Variants in PACRG observed in about 807,000 individuals in gnomAD.
The protein encoded by PACRG is parkin coregulated.
A neutral mutation model predicts 29.7 loss-of-function variants in PACRG; 29 were observed. The observed-to-expected ratio is 0.98, with a 90% confidence interval of 0.73 to 1.33. The LOEUF (loss-of-function observed/expected upper bound fraction) is 1.33, where lower values mean the gene tolerates loss of function less well. Ranked by LOEUF, PACRG falls within the 40% of genes most tolerant of loss-of-function variation. The probability of loss-of-function intolerance (pLI) is 0.00; values close to 1 mark genes in which losing one functional copy is unlikely to be tolerated. For missense variants in PACRG, 279 were observed against 316.2 expected (o/e 0.88, Z 0.89); for synonymous variants, 116 against 118.7 (o/e 0.98, Z 0.15).
chr6:163,095,668 C>A (rs889015580), intron 4 of PACRG, among the ~76,000 whole-genome samples: 1 of 151,590 alleles, frequency 6.6e-6, no homozygotes, highest in African/African-American at 2.4e-5. Context: ...CAGTCCCGCC[C>A]CATCTTCATG....
At chr6:163,142,706 G>T (rs1458491467) in intron 4 of PACRG, among the ~76,000 whole-genome samples, 2 of 152,142 alleles carry the variant, frequency 1.3e-5, no homozygotes, top group Admixed American at 1.3e-4. Flanking sequence ...AATAGATCAG[G>T]ATGAAGTAGG....
chr6:163,104,272 C>T (rs1252105041), intron 4 of PACRG, among the ~76,000 whole-genome samples: 1 of 152,168 alleles, frequency 6.6e-6, no homozygotes, highest in African/African-American at 2.4e-5. Flanking sequence ...AATCTTCTAA[C>T]TTTGTTCCAC....
At chr6:162,814,040 C>T in intron 1 of PACRG, 107 bp from the exon 2 acceptor site, 3 of 1,203,412 alleles carry the variant, frequency 2.5e-6, no homozygotes, top group Non-Finnish European at 2.2e-6. Context: ...TTTTATCTTC[C>T]AACATATTTA....
chr6:162,733,525 A>G (rs1779933703), intron 1 of PACRG, among the ~76,000 whole-genome samples: 1 of 152,168 alleles, frequency 6.6e-6, no homozygotes, highest in South Asian at 2.1e-4. Context: ...TGTGGAGCCC[A>G]GAAGCTCCCT....
chr6:163,271,533 A>G (rs1199486661), intron 4 of PACRG, among the ~76,000 whole-genome samples: 2 of 152,166 alleles, frequency 1.3e-5, no homozygotes, highest in African/African-American at 2.4e-5. Flanking sequence ...TTCATTTGGA[A>G]TTATCCTAAT....
intron 4 of PACRG, among the ~76,000 whole-genome samples, chr6:163,107,020 T>C (rs1181243090): frequency 3.3e-5 from 5 of 152,168 alleles, no homozygotes; most frequent in Admixed American, 3.3e-4. Context: ...AGAAAGTCAT[T>C]CTGTCTAAAT....
intron 4 of PACRG, among the ~76,000 whole-genome samples, chr6:163,169,067 T>C (rs1352094476): frequency 6.6e-6 from 1 of 152,258 alleles, no homozygotes; most frequent in Non-Finnish European, 1.5e-5. Context: ...ATTGTGTTAT[T>C]AGTTCTTAGT....
intron 4 of PACRG, among the ~76,000 whole-genome samples, chr6:163,250,110 T>C (rs1356735551): frequency 6.6e-6 from 1 of 152,250 alleles, no homozygotes; most frequent in Admixed American, 6.5e-5. Flanking sequence ...ACATTGTCCA[T>C]TGCAGGAAAC....
chr6:162,978,073 G>A (rs572130290), intron 2 of PACRG, among the ~76,000 whole-genome samples: 1 of 150,598 alleles, frequency 6.6e-6, no homozygotes, highest in Non-Finnish European at 1.5e-5. Flanking sequence ...GAACCCGGGA[G>A]CCGGAGGTTG....
chr6:163,058,178 T>C (rs1810755091), intron 2 of PACRG, among the ~76,000 whole-genome samples: 1 of 152,150 alleles, frequency 6.6e-6, no homozygotes, highest in African/African-American at 2.4e-5. Context: ...AGAAAAAGAA[T>C]TTTCTTGACT....
intron 2 of PACRG, among the ~76,000 whole-genome samples, chr6:162,873,282 A>C (rs1159040391): frequency 6.6e-6 from 1 of 152,160 alleles, no homozygotes; most frequent in Non-Finnish European, 1.5e-5. Context: ...TACCTACAAT[A>C]GTGCCCTGTC....
At position 162,846,054 on chromosome 6, in the gene PACRG, G is replaced by A. The variant is rs79405081; in HGVS notation, c.291+31773G>A. On this transcript the variant is annotated intron_variant, in intron 2 of 4. Coordinates refer to ENST00000366888, the MANE Select transcript of PACRG (RefSeq NM_001080379.2). ...TGGGGGAGCCGGCAGACCTAGGTGC[G>A]GGTCTGACCCCAGCGAAGGGGAGGG... 2.7e-3 allele frequency among the ~76,000 whole-genome samples: 417 copies of A among 152,254 alleles called. 11 individuals are homozygous for A. The East Asian group carries it at 0.073, about 27-fold the overall frequency.
chr6:162,871,353 G>C (rs1362771734), intron 2 of PACRG, among the ~76,000 whole-genome samples: 1 of 152,110 alleles, frequency 6.6e-6, no homozygotes, highest in African/African-American at 2.4e-5. Context: ...ATTTCCCCAA[G>C]GTCTTACAGA....
chr6:163,142,049 C>A (rs892525727), intron 4 of PACRG, among the ~76,000 whole-genome samples: 8 of 151,978 alleles, frequency 5.3e-5, no homozygotes, highest in Non-Finnish European at 1.2e-4. Flanking sequence ...AAATGATATT[C>A]TCTAGCAACT....
At chr6:162,798,722 G>A (rs1325476163) in intron 1 of PACRG, among the ~76,000 whole-genome samples, 1 of 152,122 alleles carries the variant, frequency 6.6e-6, no homozygotes, top group Non-Finnish European at 1.5e-5. Context: ...TTTTGAAAGT[G>A]AAAGCTTCTT....
intron 4 of PACRG, among the ~76,000 whole-genome samples, chr6:163,149,481 A>G (rs1263446111): frequency 6.6e-6 from 1 of 151,994 alleles, no homozygotes; most frequent in East Asian, 1.9e-4. Context: ...AGCAAACCCC[A>G]GTCTCCTCGC....
chr6:162,887,386 G>A lies in PACRG; in HGVS notation c.291+73105G>A, dbSNP rs531624518. Among the ~76,000 whole-genome samples the A allele has an allele frequency of 2.6e-5, 4 of 152,324 alleles. 1 individual carries two copies. In the South Asian group the frequency reaches 8.3e-4, roughly 32 times the overall value. ...AAGACAGCTAGTGTGGATAATGGAA[G>A]GGTGACTTCCAATGTATTCTCTGGA... On this transcript the variant is annotated intron_variant, in intron 2 of 4. Transcript: ENST00000366888.
chr6:162,934,267 A>AT lies in PACRG; in HGVS notation c.291+119986_291+119987insT, dbSNP rs1442525442. Among the ~76,000 whole-genome samples the AT allele has an allele frequency of 3.3e-5, 5 of 152,070 alleles. No homozygotes were observed. In the East Asian group the frequency reaches 7.9e-4, roughly 24 times the overall value. ...AACACAGCGAGACTGTCTCAAAAAA[A>AT]AAAAATAAATAAATGAAAAAAAGAG... On this transcript the variant is annotated intron_variant, in intron 2 of 4. Transcript: ENST00000366888.
At chr6:163,103,618 C>T (rs369202633) in intron 4 of PACRG, among the ~76,000 whole-genome samples, 38 of 152,196 alleles carry the variant, frequency 2.5e-4, no homozygotes, top group African/African-American at 9.2e-4. Context: ...CCTTTCACAA[C>T]AATACCTTGA....
Sources: gnomAD v4.1 joint callset for allele counts (sites outside exome capture counted in the v4.1 genomes callset) on GRCh38, gnomAD v4.1.1 for gene constraint, MANE v1.5 for transcripts, NCBI Gene and HGNC (gene_info 2026-07-23, HGNC 2026-07-21) for gene names.